Variants in KDM4B observed in about 807,000 individuals in gnomAD.
KDM4B encodes the protein lysine-specific demethylase 4B.
In KDM4B, 32 loss-of-function variants were observed where a neutral mutation model predicts 125.2. The ratio of observed to expected loss-of-function variants is 0.26; its 90% CI spans 0.19 to 0.34. KDM4B has a LOEUF of 0.34. KDM4B is among the 10% of genes least tolerant of loss of function. KDM4B has a pLI of 1.00. For missense variants in KDM4B, 1,190 were observed against 1,577.7 expected, an observed-to-expected ratio of 0.75 and a Z score of 4.16; for synonymous variants, 721 against 677.9, an observed-to-expected ratio of 1.06 and a Z score of -0.99.
rs1011390145 is a variant in KDM4B at position 5,002,289 on chromosome 19, C to T, written c.-108-13968C>T. Reference sequence around the variant, plus strand: ...CCGGGATTATAGGCTTGAGTCACCTCACCCAGTGCAAATATTTTCCCTCGG... The same window carrying T: ...CCGGGATTATAGGCTTGAGTCACCTTACCCAGTGCAAATATTTTCCCTCGG... On this transcript the variant is annotated intron_variant, in intron 1 of 22. Coordinates refer to ENST00000159111, the MANE Select transcript of KDM4B (RefSeq NM_015015.3). Among the ~76,000 whole-genome samples, 5 of 152,204 alleles carry T rather than the reference C, an allele frequency of 3.3e-5. 1 individual carries two copies. Among genetic ancestry groups the T allele is most frequent in the African/African-American group, 1.2e-4 (5 of 41,540 alleles).
At chr19:5,056,906 G>T (rs1413984964) in intron 6 of KDM4B, among the ~76,000 whole-genome samples, 1 of 121,568 alleles carries the variant, frequency 8.2e-6, no homozygotes. Flanking sequence ...TCCTGGGGCG[G>T]GGAGTCCTGG....
At chr19:5,008,906 CTTTTTTTTT>C (rs200928850) in intron 1 of KDM4B, among the ~76,000 whole-genome samples, 1 of 104,466 alleles carries the variant, frequency 9.6e-6, no homozygotes, top group African/African-American at 4.7e-5. Context: ...TGGCCCCTGC[CTTTTTTTTT>C]TTTTTTTTTT....
Position 5,151,412 on chromosome 19 carries a change from C to T in KDM4B, c.3192C>T (p.Gly1064=). The T allele has an allele frequency of 6.3e-7, 1 of 1,578,644 alleles. No individual in the cohort carries two copies. The highest frequency in any genetic ancestry group is 8.6e-7 in the Non-Finnish European group (1 of 1,165,004). The change falls in exon 23 of 23, where the codon GGC becomes GGT. Residue 1064 remains glycine, a synonymous_variant. Transcript: ENST00000159111. The part of the protein sequence containing the change: ...EAKAAKRPRV[G]TPLATEDSGR... ...AGGCCGCCAAGCGCCCGCGTGTGGGCACCCCGCTTGCCACGGAGGACTCCG... is the reference window on the plus strand; with the variant it reads ...AGGCCGCCAAGCGCCCGCGTGTGGGTACCCCGCTTGCCACGGAGGACTCCG...
rs900180391 is a variant in KDM4B, at chr19:5,087,947, C to G, written c.918+5443C>G. ...TGGGGAGTGAGGGCACCGGGCAGCA[C>G]AGGTTTAAGTCTCCTGTGTAGGAAT... On this transcript the variant is annotated intron_variant, in intron 9 of 22. Coordinates refer to ENST00000159111, the MANE Select transcript of KDM4B (RefSeq NM_015015.3). 2.0e-5 allele frequency among the ~76,000 whole-genome samples: 3 copies of G among 152,170 alleles called. No homozygotes were observed. The East Asian group carries it at 5.8e-4, about 29-fold the overall frequency.
chr19:5,073,469 G>A lies in KDM4B; in HGVS notation c.676+2410G>A, dbSNP rs372898872. ...CCTGGTGCTCTCTGGTGCCCAGATC[G>A]AGAGGGCCACCCCATCCTTGCCAGC... On this transcript the variant is annotated intron_variant, in intron 7 of 22. Transcript: ENST00000159111. 1.2e-4 allele frequency among the ~76,000 whole-genome samples: 19 copies of A among 152,352 alleles called. No homozygotes were observed. The East Asian group carries it at 1.4e-3, about 11-fold the overall frequency.
At chr19:5,110,963 T>C in intron 10 of KDM4B, 145 bp downstream of exon 10, 1 of 648,034 alleles carries the variant, frequency 1.5e-6, no homozygotes, top group South Asian at 2.0e-5. Context: ...GCCTCCTCTT[T>C]CGTCCTCCTC....
At chr19:4,969,552 C>T (rs1004828121) in intron 1 of KDM4B, among the ~76,000 whole-genome samples, 3 of 151,196 alleles carry the variant, frequency 2.0e-5, no homozygotes, top group Non-Finnish European at 3.0e-5. Context: ...CCCCGGCGCC[C>T]CGCACAAAAG....
chr19:5,058,836 A>G lies in KDM4B; in HGVS notation c.626+11167A>G, dbSNP rs571216871. ...TTTTTGTTTTAGGGAGGTAGGAGCC[A>G]AACAAACCTGGCGCCCGCTTCCAGG... is the stretch of plus-strand genomic sequence containing the variant. On this transcript the variant is annotated intron_variant, in intron 6 of 22. Coordinates refer to ENST00000159111, the MANE Select transcript of KDM4B (RefSeq NM_015015.3). 2.0e-5 allele frequency among the ~76,000 whole-genome samples: 3 copies of G among 152,318 alleles called. No homozygotes were observed. The East Asian group carries it at 5.8e-4, about 29-fold the overall frequency.
chr19:5,130,876 G>A (rs2039529890), intron 11 of KDM4B, among the ~76,000 whole-genome samples, 200 bp from the exon 12 acceptor site: 1 of 152,256 alleles, frequency 6.6e-6, no homozygotes, highest in African/African-American at 2.4e-5. Flanking sequence ...ACCAAGGCCT[G>A]GGGGTGCCTG....
At chr19:5,008,906 CTTT>C (rs200928850) in intron 1 of KDM4B, among the ~76,000 whole-genome samples, 231 of 104,440 alleles carry the variant, frequency 2.2e-3, no homozygotes, top group African/African-American at 0.01. Flanking sequence ...TGGCCCCTGC[CTTT>C]TTTTTTTTTT....
At chr19:5,109,975 A>C (rs1451324930) in intron 9 of KDM4B, among the ~76,000 whole-genome samples, 1 of 152,174 alleles carries the variant, frequency 6.6e-6, no homozygotes, top group African/African-American at 2.4e-5. Context: ...GCCTGGACCA[A>C]CAGGAGGCAT....
In KDM4B at chr19:5,071,058, C is replaced by T. The variant is rs771876382; in HGVS notation, c.675C>T (p.Ile225=). 5.8e-5 allele frequency: 94 copies of T among 1,612,824 alleles called. No homozygotes were observed. Among genetic ancestry groups the T allele is most frequent in the Admixed American group, 2.8e-4 (17 of 59,992 alleles). Residue 225 remains isoleucine (I), a splice_region_variant and synonymous_variant, in exon 7 of 23, where the codon ATC becomes ATT. Transcript: ENST00000159111. ...GCAAGCGCCTGGAGCGGCTGGCCAT[C>T]GGTAGGTGCCTGCCCTGAGGGCCCC... ...EHGKRLERLA[I]GFFPGSSQGC...
chr19:5,148,763 T>C (rs1599281227), intron 21 of KDM4B, among the ~76,000 whole-genome samples: 1 of 152,224 alleles, frequency 6.6e-6, no homozygotes, highest in East Asian at 1.9e-4. Flanking sequence ...GAAATCGCTT[T>C]CCGGGGTGCT....
intron 21 of KDM4B, 54 bp from the exon 22 acceptor site, chr19:5,150,304 G>C (rs1188279782): frequency 2.0e-6 from 3 of 1,482,166 alleles, no homozygotes; most frequent in Non-Finnish European, 2.8e-6. Flanking sequence ...GGCCTGCCTG[G>C]AGCACCTGCC....
chr19:5,017,234 G>C lies in KDM4B; in HGVS notation c.-26+895G>C, dbSNP rs2035920169. On this transcript the variant is annotated intron_variant, in intron 2 of 22. Coordinates refer to ENST00000159111, the MANE Select transcript of KDM4B (RefSeq NM_015015.3). ...TACGATTAGGACCTTGAGGAGGGTG[G>C]TGGAGCCCAGCCTCTTTTGGGAAGT... Among the ~76,000 whole-genome samples, 5 of 152,324 alleles carry C rather than the reference G, an allele frequency of 3.3e-5. No individual in the cohort carries two copies. The South Asian group carries it at 1.0e-3, about 32-fold the overall frequency.
chr19:5,135,476 G>A lies in KDM4B; in HGVS notation c.2223G>A (p.Glu741=), dbSNP rs1301554069. The A allele has an allele frequency of 6.2e-7, 1 of 1,613,170 alleles. No individual in the cohort carries two copies. The highest frequency in any genetic ancestry group is 8.5e-7 in the Non-Finnish European group (1 of 1,179,932). ...TCACCTCTGGCGGTGAGAACACGGA[G>A]CCGCTGCCTGCCAACTCCTACATCG... ...MCFTSGGENT[E]PLPANSYIGD... Residue 741 remains glutamate, a synonymous_variant, in exon 15 of 23, where the codon GAG becomes GAA. Transcript: ENST00000159111.
At chr19:5,090,369 T>C in intron 9 of KDM4B, among the ~76,000 whole-genome samples, 1 of 121,266 alleles carries the variant, frequency 8.2e-6, no homozygotes, top group Admixed American at 7.9e-5. Flanking sequence ...TCTCCTCATC[T>C]CTCTCTCCCC....
At chr19:5,023,290 G>C (rs2036179050) in intron 2 of KDM4B, among the ~76,000 whole-genome samples, 1 of 152,226 alleles carries the variant, frequency 6.6e-6, no homozygotes, top group African/African-American at 2.4e-5. Context: ...TTTCCTGCCT[G>C]AGGGCCCTTT....
At position 4,997,122 on chromosome 19, in the gene KDM4B, A is replaced by G. The variant is rs2035226862; in HGVS notation, c.-108-19135A>G. On this transcript the variant is annotated intron_variant, in intron 1 of 22. Coordinates refer to ENST00000159111, the MANE Select transcript of KDM4B (RefSeq NM_015015.3). The surrounding 1 kb of genome is among the most constrained non-coding windows in gnomAD (Gnocchi z 4.2). ...AGCCATAAATGTCCCTAGACATCGG[A>G]AGGCATCCTCTGGGGGCACGATCAG... 6.6e-6 allele frequency among the ~76,000 whole-genome samples: 1 copy of G among 152,152 alleles called. No individual in the cohort carries two copies. The highest frequency in any genetic ancestry group is 1.5e-5 in the Non-Finnish European group (1 of 68,026).
Sources: gnomAD v4.1 joint callset for allele counts (sites outside exome capture counted in the v4.1 genomes callset) on GRCh38, gnomAD v4.1.1 for gene constraint, Gnocchi (gnomAD v3.1) non-coding constraint, MANE v1.5 for transcripts, NCBI Gene and HGNC (gene_info 2026-07-23, HGNC 2026-07-21) for gene names.